Variants in ST18 observed in about 807,000 individuals in gnomAD.
ST18 encodes the protein suppression of tumorigenicity 18 protein.
Under a neutral mutation model 110.0 loss-of-function variants are expected in ST18, and 50 were observed. The ratio of observed to expected loss-of-function variants is 0.45; its 90% CI spans 0.36 to 0.58. ST18 has a LOEUF of 0.58. ST18 is among the 20% of genes least tolerant of loss of function. The pLI is 0.00. For synonymous variants in ST18, 461 were observed against 452.4 expected, an observed-to-expected ratio of 1.02 and a Z score of -0.24; for missense variants, 1,306 against 1,280.1, an observed-to-expected ratio of 1.02 and a Z score of -0.31.
intron 2 of ST18, among the ~76,000 whole-genome samples, chr8:52,378,932 G>C (rs1833441167): frequency 6.6e-6 from 1 of 152,052 alleles, no homozygotes; most frequent in Admixed American, 6.5e-5. Flanking sequence ...CAGTCATTAT[G>C]AGCTGCTGCA....
intron 2 of ST18, among the ~76,000 whole-genome samples, chr8:52,390,070 T>C (rs1185391463): frequency 6.6e-6 from 1 of 152,070 alleles, no homozygotes; most frequent in African/African-American, 2.4e-5. Context: ...GGCCAGTATG[T>C]GATTCTAGAA....
intron 21 of ST18, 83 bp from the exon 22 acceptor site, chr8:52,132,262 T>C (rs1379603138): frequency 3.3e-6 from 4 of 1,226,428 alleles, no homozygotes; most frequent in African/African-American, 1.5e-5. Context: ...CATGCAATTA[T>C]AGAGTTTTAA....
At chr8:52,157,317 A>G (rs2132938387) in intron 15 of ST18, among the ~76,000 whole-genome samples, 1 of 152,250 alleles carries the variant, frequency 6.6e-6, no homozygotes, top group South Asian at 2.1e-4. Context: ...ATCTACAGGC[A>G]CAGATGGACA....
chr8:52,116,663 T>G (rs1357411279), intron 24 of ST18, among the ~76,000 whole-genome samples: 1 of 152,246 alleles, frequency 6.6e-6, no homozygotes, highest in Non-Finnish European at 1.5e-5. Context: ...CATGGCTGTA[T>G]GATGGATATC....
chr8:52,255,536 T>C (rs2138511810), intron 2 of ST18, among the ~76,000 whole-genome samples: 1 of 152,320 alleles, frequency 6.6e-6, no homozygotes, highest in Admixed American at 6.5e-5. Context: ...GAAAACACCC[T>C]CTACAAGACT....
chr8:52,161,676 C>T, intron 13 of ST18, 108 bp from the exon 14 acceptor site: 1 of 1,250,138 alleles, frequency 8.0e-7, no homozygotes, highest in Non-Finnish European at 1.1e-6. Flanking sequence ...AAGGTATCCA[C>T]AGAGACACTG....
At chr8:52,132,953 C>G (rs2050302653) in intron 21 of ST18, 104 bp downstream of exon 21, 2 of 1,304,436 alleles carry the variant, frequency 1.5e-6, no homozygotes, top group African/African-American at 1.5e-5. Context: ...ATAGGGTACA[C>G]CTTCCCTGAA....
At chr8:52,151,679 G>T (rs901126333) in intron 15 of ST18, among the ~76,000 whole-genome samples, 6 of 152,144 alleles carry the variant, frequency 3.9e-5, no homozygotes, top group African/African-American at 1.4e-4. Flanking sequence ...TGGCTTCGTA[G>T]CTGATATGTA....
At chr8:52,177,804 G>A (rs186162314) in intron 9 of ST18, among the ~76,000 whole-genome samples, 136 of 152,196 alleles carry the variant, frequency 8.9e-4, no homozygotes, top group East Asian at 7.7e-3. Flanking sequence ...TACCTTCAGC[G>A]TCAAATCTCT....
chr8:52,286,226 C>T (rs1348794180), intron 2 of ST18, among the ~76,000 whole-genome samples: 2 of 152,214 alleles, frequency 1.3e-5, no homozygotes, highest in African/African-American at 2.4e-5. Context: ...CAAATGTCCA[C>T]ACTCAAAAAT....
At chr8:52,289,205 G>A (rs137942016) in intron 2 of ST18, among the ~76,000 whole-genome samples, 556 of 152,330 alleles carry the variant, frequency 3.6e-3, no homozygotes, top group African/African-American at 0.013. Context: ...TCTTAGGCCA[G>A]GCACAGTGGG....
intron 24 of ST18, among the ~76,000 whole-genome samples, chr8:52,116,930 A>G (rs752245150): frequency 2.1e-4 from 32 of 151,974 alleles, no homozygotes; most frequent in South Asian, 1.5e-3. Flanking sequence ...GTTTGCCATT[A>G]CCCCATCTAA....
chr8:52,301,038 T>A (rs1341332690), intron 2 of ST18, among the ~76,000 whole-genome samples: 1 of 152,244 alleles, frequency 6.6e-6, no homozygotes, highest in Non-Finnish European at 1.5e-5. Flanking sequence ...TTTCTAGGAA[T>A]GATGACATTA....
chr8:52,355,121 A>T (rs1326222835), intron 2 of ST18, among the ~76,000 whole-genome samples: 1 of 152,126 alleles, frequency 6.6e-6, no homozygotes, highest in Non-Finnish European at 1.5e-5. Flanking sequence ...TCCTGCAGAC[A>T]CAAGTGTGAA....
intron 2 of ST18, among the ~76,000 whole-genome samples, chr8:52,359,456 T>A (rs183778102): frequency 3.1e-4 from 47 of 152,224 alleles, no homozygotes; most frequent in Middle Eastern, 3.4e-3. Flanking sequence ...AGGGCTTAAA[T>A]TTGAATGGCG....
intron 2 of ST18, among the ~76,000 whole-genome samples, chr8:52,260,101 G>A (rs1209425664): frequency 2.6e-5 from 4 of 152,184 alleles, no homozygotes; most frequent in Admixed American, 1.3e-4. Context: ...GAGAATGAAC[G>A]TGAACACTAA....
intron 2 of ST18, among the ~76,000 whole-genome samples, chr8:52,270,623 G>A (rs997001339): frequency 1.3e-5 from 2 of 152,100 alleles, no homozygotes; most frequent in African/African-American, 4.8e-5. Context: ...AGTATACAAT[G>A]TATCCATATA....
chr8:52,296,796 T>G (rs2095643361), intron 2 of ST18, among the ~76,000 whole-genome samples: 2 of 152,190 alleles, frequency 1.3e-5, no homozygotes, highest in Non-Finnish European at 2.9e-5. Context: ...TCACAGTGCC[T>G]GGTGCTACAG....
chr8:52,406,785 A>T (rs1022568911), intron 2 of ST18: 1 of 152,246 alleles, frequency 6.6e-6, no homozygotes, highest in East Asian at 1.9e-4. Context: ...GTTCAAGGGC[A>T]CTTTTGACTA....
Sources: gnomAD v4.1 joint callset for allele counts (sites outside exome capture counted in the v4.1 genomes callset) on GRCh38, gnomAD v4.1.1 for gene constraint, MANE v1.5 for transcripts, NCBI Gene and HGNC (gene_info 2026-07-23, HGNC 2026-07-21) for gene names.